The following NCK2 variants were observed in gnomAD, a reference collection of about 807,000 sequenced individuals.
NCK2 encodes NCK adaptor protein 2.
Under a neutral mutation model 33.9 loss-of-function variants are expected in NCK2, and 16 were observed. The ratio of observed to expected loss-of-function variants is 0.47; its 90% CI spans 0.32 to 0.72. NCK2 has a LOEUF of 0.72. Ranked by LOEUF, NCK2 falls within the 30% of genes least tolerant of loss-of-function variation. The pLI, the probability that NCK2 is intolerant of heterozygous loss-of-function variation, is 0.03. For synonymous variants in NCK2, 273 were observed against 239.9 expected (o/e 1.14, Z -1.27); for missense variants, 418 against 537.3 (o/e 0.78, Z 2.19).
At chr2:105,795,398 T>C (rs1236462342) in intron 1 of NCK2, among the ~76,000 whole-genome samples, 1 of 152,236 alleles carries the variant, frequency 6.6e-6, no homozygotes, top group Non-Finnish European at 1.5e-5. Flanking sequence ...ATATTGTAAC[T>C]TAATCATGAT....
At position 105,835,566 on chromosome 2, in the gene NCK2, C is replaced by T. The variant is rs539717753; in HGVS notation, c.-17+18953C>T. 5.3e-5 allele frequency among the ~76,000 whole-genome samples: 8 copies of T among 150,852 alleles called. No individual in the cohort carries two copies. The South Asian group carries it at 1.7e-3, about 32-fold the overall frequency. On this transcript the variant is annotated intron_variant, in intron 2 of 4. Transcript: ENST00000233154. The stretch of plus-strand genomic sequence containing the variant: ...TTTCTCCTGCTGTTTTCAGACTTCT[C>T]ACTTTGTCTTACTTTTGACAGTTGA...
intron 2 of NCK2, among the ~76,000 whole-genome samples, chr2:105,853,286 ATTAT>A (rs1472239143): frequency 1.3e-5 from 2 of 152,152 alleles, no homozygotes; most frequent in Admixed American, 6.5e-5. Context: ...AAAATAGTTG[ATTAT>A]TTATTTTATT....
At chr2:105,807,705 TTTTCCTTCCTTCCTTCCTTCCTTC>T (rs1675103216) in intron 1 of NCK2, among the ~76,000 whole-genome samples, 1 of 141,146 alleles carries the variant, frequency 7.1e-6, no homozygotes, top group African/African-American at 2.6e-5. Flanking sequence ...CTCTTTTCTT[TTTTCCTTCCTTCCTTCCTTCCTTC>T]TTTCCTTCCT....
At chr2:105,801,270 A>G (rs1227531541) in intron 1 of NCK2, among the ~76,000 whole-genome samples, 1 of 152,018 alleles carries the variant, frequency 6.6e-6, no homozygotes, top group Non-Finnish European at 1.5e-5. Context: ...TGGGGACAGG[A>G]CTGTGATCAT....
intron 2 of NCK2, among the ~76,000 whole-genome samples, chr2:105,834,672 T>A (rs535283044): frequency 6.6e-6 from 1 of 152,230 alleles, no homozygotes; most frequent in Admixed American, 6.5e-5. Context: ...AATTTTAATT[T>A]TTTTATTTTT....
At chr2:105,831,841 G>T (rs1676202596) in intron 2 of NCK2, among the ~76,000 whole-genome samples, 1 of 152,086 alleles carries the variant, frequency 6.6e-6, no homozygotes, top group Non-Finnish European at 1.5e-5. Context: ...CTCAAACTTT[G>T]TTCTTTTTGC....
At chr2:105,862,812 A>G (rs2104606343) in intron 3 of NCK2, among the ~76,000 whole-genome samples, 1 of 152,314 alleles carries the variant, frequency 6.6e-6, no homozygotes, top group South Asian at 2.1e-4. Flanking sequence ...CCGTTTTTGT[A>G]ATTTTCCTGT....
intron 2 of NCK2, among the ~76,000 whole-genome samples, chr2:105,847,963 T>A (rs1676916756): frequency 6.6e-6 from 1 of 152,186 alleles, no homozygotes; most frequent in African/African-American, 2.4e-5. Flanking sequence ...CACAGAACTA[T>A]GTCATCCCAA....
intron 3 of NCK2, among the ~76,000 whole-genome samples, chr2:105,877,931 G>T (rs1678303822): frequency 6.6e-6 from 1 of 152,118 alleles, no homozygotes; most frequent in Non-Finnish European, 1.5e-5. Context: ...CTGTTGTGAG[G>T]GTTTAGATAA....
intron 1 of NCK2, among the ~76,000 whole-genome samples, chr2:105,774,415 C>G (rs998677463): frequency 6.6e-6 from 1 of 152,146 alleles, no homozygotes; most frequent in African/African-American, 2.4e-5. Flanking sequence ...TCTGACTGGT[C>G]TGACAGATGC....
intron 1 of NCK2, among the ~76,000 whole-genome samples, chr2:105,759,675 A>G (rs1238287876): frequency 6.6e-6 from 1 of 152,042 alleles, no homozygotes; most frequent in Non-Finnish European, 1.5e-5. Context: ...TCCATAGTTT[A>G]TTTGCCCTGA....
rs373564375 is a variant in NCK2, at chr2:105,893,854, G to A, written c.*678G>A. 3 of 152,546 alleles carry A rather than the reference G, an allele frequency of 2.0e-5. No individual in the cohort carries two copies. The highest frequency in any genetic ancestry group is 1.9e-4 in the East Asian group (1 of 5,192). 9.4% of individuals were successfully genotyped at this position (152,546 alleles called of 1,614,324 possible). On this transcript the variant is annotated 3_prime_UTR_variant, in exon 5 of 5. Coordinates refer to ENST00000233154, the MANE Select transcript of NCK2 (RefSeq NM_003581.5). ...ATAGTGCTTTTTCCTCTTGCCCTTC[G>A]GCTTGTTTGAATCTCACAATTATGT...
intron 4 of NCK2, among the ~76,000 whole-genome samples, chr2:105,887,903 C>G (rs554012085): frequency 3.3e-5 from 5 of 152,090 alleles, no homozygotes; most frequent in Non-Finnish European, 7.4e-5. Flanking sequence ...AAAGTACCCA[C>G]TTATCGCGAG....
At chr2:105,745,892 G>A (rs1459062788) in intron 1 of NCK2, 1 of 152,182 alleles carries the variant, frequency 6.6e-6, no homozygotes, top group African/African-American at 2.4e-5. Context: ...TGATATGTGA[G>A]TTTTAAGGCA....
chr2:105,774,682 A>C (rs1368501719), intron 1 of NCK2, among the ~76,000 whole-genome samples: 1 of 152,002 alleles, frequency 6.6e-6, no homozygotes, highest in Non-Finnish European at 1.5e-5. Context: ...CGGTAGGGAG[A>C]GGAGGTGTCA....
intron 4 of NCK2, 57 bp from the exon 5 acceptor site, chr2:105,892,920 ATGGAT>A: frequency 7.2e-7 from 1 of 1,384,958 alleles, no homozygotes; most frequent in Non-Finnish European, 9.9e-7. Context: ...AGAGATGTGG[ATGGAT>A]TTAGACACAG....
chr2:105,864,479 G>C (rs1352707654), intron 3 of NCK2, among the ~76,000 whole-genome samples: 1 of 152,154 alleles, frequency 6.6e-6, no homozygotes, highest in Admixed American at 6.5e-5. Context: ...AGTAAGAGGA[G>C]ACTGAGCCAC....
rs916551731 is a variant in NCK2, at chr2:105,865,873, A to G, written c.226+10584A>G. ...ATGCCTGAGTTTTATAAAACTATTA[A>G]TCAGTTGTCTTCACTCTTAAAGACA... On this transcript the variant is annotated intron_variant, in intron 3 of 4. Coordinates refer to ENST00000233154, the MANE Select transcript of NCK2 (RefSeq NM_003581.5). 2.6e-5 allele frequency among the ~76,000 whole-genome samples: 4 copies of G among 150,970 alleles called. 1 individual carries two copies. Among genetic ancestry groups the G allele is most frequent in the African/African-American group, 9.8e-5 (4 of 40,730 alleles).
chr2:105,757,311 A>G (rs929128989), intron 1 of NCK2, among the ~76,000 whole-genome samples: 3 of 152,146 alleles, frequency 2.0e-5, no homozygotes, highest in Middle Eastern at 3.2e-3. Flanking sequence ...TATAGCCCCA[A>G]CTTTCGCTGT....
Sources: allele counts gnomAD v4.1 joint callset (sites outside exome capture counted in the v4.1 genomes callset), GRCh38; gene constraint gnomAD v4.1.1; transcripts MANE v1.5; gene names NCBI Gene and HGNC (gene_info 2026-07-23, HGNC 2026-07-21).